Variants in INPP4B observed in about 807,000 individuals in gnomAD.
The protein encoded by INPP4B is inositol polyphosphate-4-phosphatase type II B.
Under a neutral mutation model 122.5 loss-of-function variants are expected in INPP4B, and 55 were observed. That is an observed-to-expected ratio of 0.45 (90% CI 0.36 to 0.56). The LOEUF (loss-of-function observed/expected upper bound fraction) is 0.56, where lower values mean the gene tolerates loss of function less well. Ranked by LOEUF, INPP4B falls within the 20% of genes least tolerant of loss-of-function variation. The probability of loss-of-function intolerance (pLI) is 0.00; values close to 1 mark genes in which losing one functional copy is unlikely to be tolerated. For missense variants in INPP4B, 1,000 were observed against 1,097.7 expected (o/e 0.91, Z 1.26); for synonymous variants, 403 against 388.7 (o/e 1.04, Z -0.43).
chr4:142,456,116 T>G (rs1183892040), intron 3 of INPP4B, among the ~76,000 whole-genome samples: 1 of 152,060 alleles, frequency 6.6e-6, no homozygotes, highest in Non-Finnish European at 1.5e-5. Flanking sequence ...CTCTTCATAT[T>G]ATAGACTGTT....
intron 14 of INPP4B, chr4:142,202,707 T>A (rs2149461941): frequency 1.0e-6 from 1 of 979,406 alleles, no homozygotes; most frequent in South Asian, 4.7e-5. Flanking sequence ...ACTCATTTTT[T>A]AAAACATATA....
At chr4:142,044,862 C>A (rs1750475458) in intron 25 of INPP4B, among the ~76,000 whole-genome samples, 1 of 152,094 alleles carries the variant, frequency 6.6e-6, no homozygotes, top group African/African-American at 2.4e-5. Context: ...GAGTCCACAA[C>A]CACAAAGCAT....
At chr4:142,254,360 C>T (rs1370267542) in intron 11 of INPP4B, among the ~76,000 whole-genome samples, 3 of 124,038 alleles carry the variant, frequency 2.4e-5, no homozygotes, top group African/African-American at 8.2e-5. Context: ...TGGAGAATGA[C>T]TTTCACGAGC....
chr4:142,081,388 T>C (rs1195154615), intron 25 of INPP4B, among the ~76,000 whole-genome samples: 1 of 152,210 alleles, frequency 6.6e-6, no homozygotes, highest in Admixed American at 6.6e-5. Context: ...GCTTACAGTT[T>C]AGATTTAATT....
chr4:142,706,999 A>G (rs1762552014), intron 2 of INPP4B, among the ~76,000 whole-genome samples: 1 of 152,252 alleles, frequency 6.6e-6, no homozygotes, highest in Non-Finnish European at 1.5e-5. Flanking sequence ...ATCAATTCAT[A>G]ATCTTAACTT....
rs1373863763 is a variant in INPP4B, at chr4:142,836,953, G to A, written c.-254+9256C>T. The stretch of plus-strand genomic sequence containing the variant: ...GGCCGAGGCGGGTGGATCACTTGAG[G>A]TCAGGAGTTCGTAACCAGCCTCACC... On this transcript the variant is annotated intron_variant, in intron 1 of 25. Transcript: ENST00000262992. Among the ~76,000 whole-genome samples the A allele has an allele frequency of 5.3e-5, 8 of 152,114 alleles. No homozygotes were observed. In the South Asian group the frequency reaches 1.0e-3, roughly 20 times the overall value.
At position 142,289,404 on chromosome 4, in the gene INPP4B, C is replaced by T. The variant is rs62330997; in HGVS notation, c.503+16054G>A. 9.5e-3 allele frequency among the ~76,000 whole-genome samples: 1,440 copies of T among 152,216 alleles called. 17 individuals carry two copies. The highest frequency in any genetic ancestry group is 0.015 in the Admixed American group (229 of 15,288). On this transcript the variant is annotated intron_variant, in intron 9 of 25. Transcript: ENST00000262992. ...TTTCCAACTTTTAAGTTCAAGGGTA[C>T]GTGTGCAGGACGTGAAGGTTTGTTA...
chr4:142,156,142 T>C (rs1817062455), intron 17 of INPP4B, among the ~76,000 whole-genome samples: 1 of 151,824 alleles, frequency 6.6e-6, no homozygotes, highest in Non-Finnish European at 1.5e-5. Flanking sequence ...AAATGGGTTT[T>C]GTGTCTGTCT....
intron 7 of INPP4B, among the ~76,000 whole-genome samples, chr4:142,390,319 G>A (rs770413731): frequency 3.3e-5 from 5 of 152,110 alleles, no homozygotes; most frequent in African/African-American, 4.8e-5. Context: ...AAAAAGAAGG[G>A]AAAGGCAAGA....
intron 1 of INPP4B, among the ~76,000 whole-genome samples, chr4:142,836,809 T>C (rs946988091): frequency 6.6e-6 from 1 of 152,030 alleles, no homozygotes; most frequent in Non-Finnish European, 1.5e-5. Context: ...AAAAAATATA[T>C]ATTAATAACA....
In INPP4B at chr4:142,625,060, G is replaced by C. The variant is rs374235162; in HGVS notation, c.-191+100779C>G. On this transcript the variant is annotated intron_variant, in intron 2 of 25. Transcript: ENST00000262992. ...GGCAAAAACTGGAAGCATTCCCTTT[G>C]AAAACTGGCACAAGACAGGGATGCC... Among the ~76,000 whole-genome samples, 390 of 149,874 alleles carry C rather than the reference G, an allele frequency of 2.6e-3. 4 individuals carry two copies. The highest frequency in any genetic ancestry group is 0.018 in the East Asian group (92 of 5,102).
rs182570997 is a variant in INPP4B at position 142,436,013 on chromosome 4, A to G, written c.-126-4628T>C. Among the ~76,000 whole-genome samples, 8 of 152,318 alleles carry G rather than the reference A, an allele frequency of 5.3e-5. No individual in the cohort carries two copies. The East Asian group carries it at 1.5e-3, about 29-fold the overall frequency. On this transcript the variant is annotated intron_variant, in intron 3 of 25. Coordinates refer to ENST00000262992, the MANE Select transcript of INPP4B (RefSeq NM_001101669.3). Reference sequence around the variant, plus strand: ...TAGCTACTTAATACACTAAGCTCCCAGTGGGGAAGGGCGGCAGCTATCACT... The same window carrying G: ...TAGCTACTTAATACACTAAGCTCCCGGTGGGGAAGGGCGGCAGCTATCACT...
At chr4:142,234,745 T>C (rs1443257361) in intron 12 of INPP4B, among the ~76,000 whole-genome samples, 1 of 152,200 alleles carries the variant, frequency 6.6e-6, no homozygotes, top group Non-Finnish European at 1.5e-5. Flanking sequence ...AATGTAATTT[T>C]CTTCTTTGAA....
intron 1 of INPP4B, among the ~76,000 whole-genome samples, chr4:142,801,646 AC>A (rs1336816549): frequency 6.6e-6 from 1 of 152,218 alleles, no homozygotes; most frequent in Non-Finnish European, 1.5e-5. Context: ...GCAAACCAGT[AC>A]AGATGGATGT....
intron 7 of INPP4B, among the ~76,000 whole-genome samples, chr4:142,350,585 G>A (rs1051861024): frequency 3.3e-5 from 5 of 151,748 alleles, no homozygotes; most frequent in South Asian, 2.1e-4. Flanking sequence ...ATAAACCATT[G>A]AGCCTCAACC....
At chr4:142,264,523 A>G (rs548082648) in intron 10 of INPP4B, among the ~76,000 whole-genome samples, 1 of 152,258 alleles carries the variant, frequency 6.6e-6, no homozygotes, top group East Asian at 1.9e-4. Context: ...TTCTATTTCT[A>G]TGTGTGTATA....
intron 3 of INPP4B, among the ~76,000 whole-genome samples, chr4:142,447,904 C>A (rs994250850): frequency 2.6e-5 from 4 of 151,822 alleles, no homozygotes; most frequent in African/African-American, 9.7e-5. Flanking sequence ...TCTATTAAGA[C>A]AAAGAAACAA....
rs563162465 is a variant in INPP4B, at chr4:142,258,712, T to G, written c.688+1780A>C. ...TAAAAAGTCAGGAAACAACAGGTGT[T>G]GGAGAGGACGTGGAGAAATAGGAAC... On this transcript the variant is annotated intron_variant, in intron 11 of 25. Transcript: ENST00000262992. Among the ~76,000 whole-genome samples, 76 of 152,304 alleles carry G rather than the reference T, an allele frequency of 5.0e-4. 1 individual carries two copies. Among genetic ancestry groups the G allele is most frequent in the Middle Eastern group, 6.8e-3 (2 of 294 alleles).
intron 2 of INPP4B, among the ~76,000 whole-genome samples, chr4:142,545,808 C>CATAAATATGTGTGTATAT (rs1829560490): frequency 1.2e-5 from 1 of 80,166 alleles, no homozygotes; most frequent in African/African-American, 3.7e-5. Flanking sequence ...TATATATACA[C>CATAAATATGTGTGTATAT]ATATACATGT....
Sources: allele counts gnomAD v4.1 joint callset (sites outside exome capture counted in the v4.1 genomes callset), GRCh38; gene constraint gnomAD v4.1.1; transcripts MANE v1.5; gene names NCBI Gene and HGNC (gene_info 2026-07-23, HGNC 2026-07-21).